The following ACTN1 variants were observed in gnomAD, a reference collection of about 807,000 sequenced individuals.
ACTN1 encodes alpha-actinin-1.
Under a neutral mutation model 119.6 loss-of-function variants are expected in ACTN1, and 30 were observed. That is an observed-to-expected ratio of 0.25 (90% CI 0.19 to 0.34). The LOEUF (loss-of-function observed/expected upper bound fraction) is 0.34, where lower values mean the gene tolerates loss of function less well. Ranked by LOEUF, ACTN1 falls within the 10% of genes least tolerant of loss-of-function variation. The pLI, the probability that ACTN1 is intolerant of heterozygous loss-of-function variation, is 1.00. For missense variants in ACTN1, 764 were observed against 1,223.4 expected (o/e 0.62, Z 5.60); for synonymous variants, 429 against 472.6 (o/e 0.91, Z 1.20).
chr14:68,945,518 T>C (rs1398779026), intron 1 of ACTN1, among the ~76,000 whole-genome samples: 4 of 152,046 alleles, frequency 2.6e-5, no homozygotes, highest in African/African-American at 9.7e-5. Flanking sequence ...CTAAATGCCA[T>C]GGGAAGGGCA....
At chr14:68,891,132 C>G (rs1023245526) in intron 10 of ACTN1, among the ~76,000 whole-genome samples, 34 of 152,300 alleles carry the variant, frequency 2.2e-4, no homozygotes, top group Non-Finnish European at 4.9e-4. Flanking sequence ...GCCGTCTCCC[C>G]ACGATGCTGT....
At chr14:68,975,186 G>A (rs558132518) in intron 1 of ACTN1, among the ~76,000 whole-genome samples, 7 of 152,286 alleles carry the variant, frequency 4.6e-5, no homozygotes, top group South Asian at 2.1e-4. Flanking sequence ...CTGCAGAATC[G>A]GGATGTGGGC....
At chr14:68,915,316 G>A (rs1486505328) in intron 3 of ACTN1, among the ~76,000 whole-genome samples, 1 of 147,412 alleles carries the variant, frequency 6.8e-6, no homozygotes, top group African/African-American at 2.5e-5. Flanking sequence ...CCTCCCTGCA[G>A]CTCCCCTTCC....
intron 10 of ACTN1, among the ~76,000 whole-genome samples, chr14:68,890,986 A>T (rs767139997): frequency 6.6e-6 from 1 of 152,186 alleles, no homozygotes; most frequent in South Asian, 2.1e-4. Context: ...TCTAATTCTC[A>T]TAGAGCACCC....
At position 68,965,934 on chromosome 14, in the gene ACTN1, C is replaced by G. The variant is rs1241576323; in HGVS notation, c.105+13018G>C. ...CAAGGTCACCTTTAGAAGTGCCTGA[C>G]TCGGATGAGTATGGTGGTTCATGCC... is the stretch of plus-strand genomic sequence containing the variant. On this transcript the variant is annotated intron_variant, in intron 1 of 21. Transcript: ENST00000394419. 2.0e-5 allele frequency among the ~76,000 whole-genome samples: 3 copies of G among 152,288 alleles called. No individual in the cohort carries two copies. The East Asian group carries it at 5.8e-4, about 29-fold the overall frequency.
At chr14:68,906,152 T>A (rs1047860929) in intron 6 of ACTN1, among the ~76,000 whole-genome samples, 2 of 152,148 alleles carry the variant, frequency 1.3e-5, no homozygotes, top group South Asian at 2.1e-4. Context: ...TGAAGATGGA[T>A]GGTAGGAACA....
In ACTN1 at chr14:68,892,034, G is replaced by C; in HGVS notation, c.1086+19C>G. Reference sequence around the variant, plus strand: ...GAGGCAGTCCAGTCTGGGGGCCCAGGCTCACCCCCAGTGCTCACCGAGACC... The same window carrying C: ...GAGGCAGTCCAGTCTGGGGGCCCAGCCTCACCCCCAGTGCTCACCGAGACC... On this transcript the variant is annotated intron_variant, in intron 10 of 21. Coordinates refer to ENST00000394419, the MANE Select transcript of ACTN1 (RefSeq NM_001130004.2). 6.2e-7 allele frequency: 1 copy of C among 1,611,016 alleles called. No homozygotes were observed. Among genetic ancestry groups the C allele is most frequent in the East Asian group, 2.2e-5 (1 of 44,856 alleles).
Position 68,948,696 on chromosome 14 carries a change from CA to C in ACTN1, c.106-23025del, listed in dbSNP as rs1290009074. On this transcript the variant is annotated intron_variant, in intron 1 of 21. Coordinates refer to ENST00000394419, the MANE Select transcript of ACTN1 (RefSeq NM_001130004.2). ...CCCAAACCAAAAGCCAGGAGTTCTC[CA>C]ATGCCAAATCCCAAATTATTTTCAT... 5.9e-5 allele frequency among the ~76,000 whole-genome samples: 9 copies of C among 152,308 alleles called. No individual in the cohort carries two copies. The East Asian group carries it at 1.7e-3, about 29-fold the overall frequency.
At chr14:68,943,127 G>A (rs908793223) in intron 1 of ACTN1, among the ~76,000 whole-genome samples, 1 of 152,176 alleles carries the variant, frequency 6.6e-6, no homozygotes, top group African/African-American at 2.4e-5. Flanking sequence ...TGTCCACTAG[G>A]CCGGCGGTGG....
chr14:68,946,016 A>C lies in ACTN1; in HGVS notation c.106-20344T>G, dbSNP rs1476939726. 2.6e-5 allele frequency among the ~76,000 whole-genome samples: 4 copies of C among 152,298 alleles called. No individual in the cohort carries two copies. In the East Asian group the frequency reaches 7.7e-4, roughly 29 times the overall value. Reference sequence around the variant, plus strand: ...TCACAGCCACTCAAGGTCACAGCGAACAGTAGATGCAGGAGCCAGAATTCC... The same window carrying C: ...TCACAGCCACTCAAGGTCACAGCGACCAGTAGATGCAGGAGCCAGAATTCC... On this transcript the variant is annotated intron_variant, in intron 1 of 21. Coordinates refer to ENST00000394419, the MANE Select transcript of ACTN1 (RefSeq NM_001130004.2).
intron 7 of ACTN1, among the ~76,000 whole-genome samples, 176 bp downstream of exon 7, chr14:68,904,479 C>T (rs2033541994): frequency 6.6e-6 from 1 of 152,188 alleles, no homozygotes; most frequent in Non-Finnish European, 1.5e-5. Flanking sequence ...CTCTCCAAAG[C>T]TCAAAGAACG....
chr14:68,940,024 C>T (rs1350590350), intron 1 of ACTN1, among the ~76,000 whole-genome samples: 1 of 152,210 alleles, frequency 6.6e-6, no homozygotes, highest in Non-Finnish European at 1.5e-5. Context: ...ATGGGCGGAG[C>T]TGGTCTTCGA....
chr14:68,900,355 C>T (rs1249084230), intron 8 of ACTN1, among the ~76,000 whole-genome samples: 2 of 152,082 alleles, frequency 1.3e-5, no homozygotes, highest in African/African-American at 4.8e-5. Context: ...GCAACCTGCA[C>T]AACTGTCCAT....
intron 1 of ACTN1, among the ~76,000 whole-genome samples, chr14:68,971,214 A>G (rs1378734726): frequency 6.6e-6 from 1 of 152,254 alleles, no homozygotes; most frequent in African/African-American, 2.4e-5. Context: ...AAGAAAACTA[A>G]CAGTCCCTTC....
chr14:68,932,567 A>C lies in ACTN1; in HGVS notation c.106-6895T>G, dbSNP rs371878309. 5.9e-5 allele frequency among the ~76,000 whole-genome samples: 6 copies of C among 101,400 alleles called. 1 individual carries two copies. In the South Asian group the frequency reaches 9.6e-4, roughly 16 times the overall value. The allele number at this position is 101,400 out of a possible 152,430, so 66.5% of individuals were successfully genotyped here. A position where few individuals can be genotyped will look rare whatever the true frequency, so the allele number is the denominator to read the frequency against. ...TTTTTCTTGGAGACTGGGTCTCTCTATGTTACCCAGGCTGGTCTCAAACTT... is the reference window on the plus strand; with the variant it reads ...TTTTTCTTGGAGACTGGGTCTCTCTCTGTTACCCAGGCTGGTCTCAAACTT... On this transcript the variant is annotated intron_variant, in intron 1 of 21. Transcript: ENST00000394419.
intron 1 of ACTN1, chr14:68,936,788 G>A: frequency 1.6e-6 from 1 of 609,774 alleles, no homozygotes. Context: ...AATGGCTGAA[G>A]GACACTTGTG....
intron 14 of ACTN1, 68 bp downstream of exon 14, chr14:68,884,100 G>A: frequency 6.7e-7 from 1 of 1,493,034 alleles, no homozygotes; most frequent in East Asian, 2.4e-5. Context: ...TCCTGCAAAA[G>A]TGACCCACAG....
At chr14:68,891,428 A>G (rs1433390228) in intron 10 of ACTN1, among the ~76,000 whole-genome samples, 4 of 152,228 alleles carry the variant, frequency 2.6e-5, no homozygotes, top group Non-Finnish European at 5.9e-5. Flanking sequence ...GGCTTTAGTT[A>G]TCTGTCAGGG....
chr14:68,889,008 G>A (rs768820490), intron 11 of ACTN1, among the ~76,000 whole-genome samples: 4 of 152,186 alleles, frequency 2.6e-5, no homozygotes, highest in Non-Finnish European at 5.9e-5. Flanking sequence ...GATCTGAGGA[G>A]TACAAAACAG....
Sources: gnomAD v4.1 joint callset for allele counts (sites outside exome capture counted in the v4.1 genomes callset) on GRCh38, gnomAD v4.1.1 for gene constraint, MANE v1.5 for transcripts, NCBI Gene and HGNC (gene_info 2026-07-23, HGNC 2026-07-21) for gene names.